TBCD: variants seen among roughly 807,000 people sequenced by gnomAD.
TBCD encodes the protein tubulin-specific chaperone D.
A neutral mutation model predicts 169.3 loss-of-function variants in TBCD; 105 were observed. That is an observed-to-expected ratio of 0.62 (90% CI 0.53 to 0.73). The LOEUF is 0.73. Among genes scored for constraint, TBCD ranks in the 30% least tolerant of loss-of-function variants. The pLI is 0.00. For missense variants in TBCD, 1,444 were observed against 1,600.1 expected (o/e 0.90, Z 1.66); for synonymous variants, 700 against 643.9 (o/e 1.09, Z -1.32).
chr17:82,830,559 A>C, intron 13 of TBCD: 1 of 1,614,012 alleles, frequency 6.2e-7, no homozygotes, highest in Non-Finnish European at 8.5e-7. Flanking sequence ...CTTCTGTCCC[A>C]GTCTTCTGTG....
chr17:82,850,264 T>A (rs2055640244), intron 13 of TBCD, among the ~76,000 whole-genome samples: 1 of 145,116 alleles, frequency 6.9e-6, no homozygotes, highest in Non-Finnish European at 1.5e-5. Flanking sequence ...TTGGCTGTGT[T>A]GTTGTTGGCT....
At chr17:82,933,623 T>G (rs891641424) in intron 34 of TBCD, among the ~76,000 whole-genome samples, 7 of 151,520 alleles carry the variant, frequency 4.6e-5, no homozygotes, top group South Asian at 2.1e-4. Context: ...ACTGCTTTTT[T>G]TTTGTTTGTT....
Position 82,926,249 on chromosome 17 carries a change from A to G in TBCD, c.2380-151A>G, listed in dbSNP as rs2004708. On this transcript the variant is annotated intron_variant, in intron 27 of 38. Transcript: ENST00000355528. ...CCGGGTGTCCTTCCTGGGTTGTACC[A>G]GGGGCCATGGATGGCCGTGAGGAAG... The G allele has an allele frequency of 0.12, 77,496 of 671,992 alleles. 6,588 individuals are homozygous for G. Among genetic ancestry groups the G allele is most frequent in the East Asian group, 0.33 (12,000 of 35,960 alleles). The allele number at this position is 671,992 out of a possible 1,614,324, so 41.6% of individuals were successfully genotyped here.
At chr17:82,848,847 C>T (rs1335724821) in intron 13 of TBCD, among the ~76,000 whole-genome samples, 1 of 147,448 alleles carries the variant, frequency 6.8e-6, no homozygotes, top group African/African-American at 2.5e-5. Flanking sequence ...TCGATGTCCC[C>T]CTCTGCCTGC....
rs930608583 is a variant in TBCD at position 82,874,200 on chromosome 17, GT to G, written c.1475+3821del. Among the ~76,000 whole-genome samples the G allele has an allele frequency of 3.9e-5, 6 of 152,174 alleles. No homozygotes were observed. Among genetic ancestry groups the G allele is most frequent in the Non-Finnish European group, 8.8e-5 (6 of 68,032 alleles). On this transcript the variant is annotated intron_variant, in intron 14 of 38. Transcript: ENST00000355528. This position sits in a 1 kb window ranked among gnomAD's most constrained non-coding sequence, Gnocchi z 5.0. The stretch of plus-strand genomic sequence containing the variant: ...GTGACTTCTGTCTGGGGCATGTTGG[GT>G]GGGCGTGCAAGGGGGTCCTGGGACT...
Position 82,922,407 on chromosome 17 carries a change from C to T in TBCD, c.2178+830C>T, listed in dbSNP as rs1052467357. On this transcript the variant is annotated intron_variant, in intron 25 of 38. Coordinates refer to ENST00000355528, the MANE Select transcript of TBCD (RefSeq NM_005993.5). The surrounding 1 kb of genome is among the most constrained non-coding windows in gnomAD (Gnocchi z 4.1). Reference sequence around the variant, plus strand: ...AAACAAAAAAAACCATGGTTACCAACGTTGACTAGGTTTTGATATTGAGGA... The same window carrying T: ...AAACAAAAAAAACCATGGTTACCAATGTTGACTAGGTTTTGATATTGAGGA... Among the ~76,000 whole-genome samples, 10 of 152,030 alleles carry T rather than the reference C, an allele frequency of 6.6e-5. No homozygotes were observed. The highest frequency in any genetic ancestry group is 1.3e-4 in the Admixed American group (2 of 15,266).
At chr17:82,881,928 TC>T (rs145810064) in intron 14 of TBCD, among the ~76,000 whole-genome samples, 10,487 of 151,420 alleles carry the variant, frequency 0.069, 559 homozygotes, top group Non-Finnish European at 0.11. Context: ...CCTCCTCCCT[TC>T]CTCCCTCCCT....
rs1327667083 is a variant in TBCD, at chr17:82,831,706, T to C, written c.1318+16772T>C. ...AGGCGAGTAGATGGTGGCCAGCCCG[T>C]GCTCTGTGTAAAAGTGAGGCGGGTA... On this transcript the variant is annotated intron_variant, in intron 13 of 38. Coordinates refer to ENST00000355528, the MANE Select transcript of TBCD (RefSeq NM_005993.5). The surrounding 1 kb of genome is among the most constrained non-coding windows in gnomAD (Gnocchi z 4.6). 4 of 1,614,002 alleles carry C rather than the reference T, an allele frequency of 2.5e-6. No homozygotes were observed. The highest frequency in any genetic ancestry group is 3.4e-6 in the Non-Finnish European group (4 of 1,180,040).
chr17:82,848,727 C>G (rs56249965), intron 13 of TBCD, among the ~76,000 whole-genome samples: 35,370 of 152,122 alleles, frequency 0.23, 5,084 homozygotes, highest in Non-Finnish European at 0.31. Context: ...AAAATAGATG[C>G]GAACAGACAA....
chr17:82,892,668 G>A (rs2059223401), intron 16 of TBCD, among the ~76,000 whole-genome samples: 1 of 152,186 alleles, frequency 6.6e-6, no homozygotes, highest in African/African-American at 2.4e-5. Context: ...GGTTAAAGAC[G>A]TCAAGGAAGG....
At chr17:82,769,887 A>G (rs1226481503) in intron 5 of TBCD, among the ~76,000 whole-genome samples, 1 of 152,116 alleles carries the variant, frequency 6.6e-6, no homozygotes, top group Non-Finnish European at 1.5e-5. Flanking sequence ...AAAAAAAAAA[A>G]AAAAAAAATT....
At position 82,884,682 on chromosome 17, in the gene TBCD, C is replaced by T. The variant is rs540890346; in HGVS notation, c.1533+480C>T. The T allele has an allele frequency of 3.4e-5, 7 of 204,290 alleles. No individual in the cohort carries two copies. Among genetic ancestry groups the T allele is most frequent in the African/African-American group, 9.0e-5 (4 of 44,602 alleles). 12.7% of individuals were successfully genotyped at this position (204,290 alleles called of 1,614,324 possible). A position where few individuals can be genotyped will look rare whatever the true frequency, so the allele number is the denominator to read the frequency against. ...TGGATGTGGGAGCTGCCTGCAGGAC[C>T]GGGTGCGTCTTGAACACAGATGGCT... is the stretch of plus-strand genomic sequence containing the variant. On this transcript the variant is annotated intron_variant, in intron 15 of 38. Coordinates refer to ENST00000355528, the MANE Select transcript of TBCD (RefSeq NM_005993.5). The surrounding 1 kb of genome is among the most constrained non-coding windows in gnomAD (Gnocchi z 4.2).
rs1269736577 is a variant in TBCD at position 82,930,925 on chromosome 17, G to C, written c.3113+282G>C. Reference sequence around the variant, plus strand: ...GACGTAAAGGTAGTATGAGTACAAGGTGGTCCCTGTGTGTAGGAAGGCGTT... The same window carrying C: ...GACGTAAAGGTAGTATGAGTACAAGCTGGTCCCTGTGTGTAGGAAGGCGTT... On this transcript the variant is annotated intron_variant, in intron 33 of 38. Transcript: ENST00000355528. This position sits in a 1 kb window ranked among gnomAD's most constrained non-coding sequence, Gnocchi z 5.2. 6.6e-6 allele frequency among the ~76,000 whole-genome samples: 1 copy of C among 152,228 alleles called. No individual in the cohort carries two copies. The highest frequency in any genetic ancestry group is 1.9e-4 in the East Asian group (1 of 5,200).
At chr17:82,937,187 G>A in intron 34 of TBCD, 84 bp from the exon 35 acceptor site, 2 of 1,303,992 alleles carry the variant, frequency 1.5e-6, no homozygotes, top group South Asian at 2.5e-5. Context: ...GGAGGACGGA[G>A]TTGACCTTCT....
chr17:82,899,456 A>G (rs895919054), intron 17 of TBCD, among the ~76,000 whole-genome samples: 1 of 150,446 alleles, frequency 6.6e-6, no homozygotes, highest in East Asian at 2.0e-4. Flanking sequence ...GCCCGTCCTC[A>G]GCGTGTGTGT....
chr17:82,844,004 TTA>T lies in TBCD; in HGVS notation c.1319-26219_1319-26218del, dbSNP rs374823184. Among the ~76,000 whole-genome samples the T allele has an allele frequency of 1.6e-3, 230 of 144,516 alleles. 1 individual carries two copies. Among genetic ancestry groups the T allele is most frequent in the African/African-American group, 6.5e-3 (223 of 34,270 alleles). The allele number at this position is 144,516 out of a possible 152,430, so 94.8% of individuals were successfully genotyped here. On this transcript the variant is annotated intron_variant, in intron 13 of 38. Transcript: ENST00000355528. ...GTTCTTTCCTTTATCCTCAGTAGTC[TTA>T]GTTTTCTTAACTTTATATTTCAACA...
intron 1 of TBCD, among the ~76,000 whole-genome samples, chr17:82,752,742 C>T (rs979593300): frequency 3.9e-5 from 6 of 152,192 alleles, no homozygotes; most frequent in Non-Finnish European, 5.9e-5. Context: ...GGCCAGACCC[C>T]TCCGGACAGC....
chr17:82,937,834 C>G, intron 35 of TBCD: 1 of 1,479,436 alleles, frequency 6.8e-7, no homozygotes, highest in Non-Finnish European at 9.0e-7. Context: ...GAGGCGTCCT[C>G]ACTTCCCACA....
At position 82,792,165 on chromosome 17, in the gene TBCD, G is replaced by T. The variant is rs562000231; in HGVS notation, c.772-5592G>T. On this transcript the variant is annotated intron_variant, in intron 7 of 38. Transcript: ENST00000355528. Reference sequence around the variant, plus strand: ...TCTACTAAAAATACAAAAATTAGCCGGGCGTGGTGGCGGGCGCCTGTAGTC... The same window carrying T: ...TCTACTAAAAATACAAAAATTAGCCTGGCGTGGTGGCGGGCGCCTGTAGTC... Among the ~76,000 whole-genome samples the T allele has an allele frequency of 1.1e-4, 17 of 152,192 alleles. No individual in the cohort carries two copies. In the East Asian group the frequency reaches 3.1e-3, roughly 28 times the overall value.
Sources: allele counts gnomAD v4.1 joint callset (sites outside exome capture counted in the v4.1 genomes callset), GRCh38; gene constraint gnomAD v4.1.1; non-coding constraint Gnocchi (gnomAD v3.1); transcripts MANE v1.5; gene names NCBI Gene and HGNC (gene_info 2026-07-23, HGNC 2026-07-21).